The following NEGR1 variants were observed in gnomAD, a reference collection of about 807,000 sequenced individuals.
The protein encoded by NEGR1 is IgLON family member 4.
NEGR1 carries 10 observed loss-of-function variants against 40.9 expected under a neutral mutation model. The observed-to-expected ratio is 0.24, with a 90% CI of 0.15 to 0.42. The LOEUF (loss-of-function observed/expected upper bound fraction) is 0.42, where lower values mean the gene tolerates loss of function less well. Ranked by LOEUF, NEGR1 falls within the 10% of genes least tolerant of loss-of-function variation. The pLI is 1.00. For missense variants in NEGR1, 352 were observed against 438.9 expected, an observed-to-expected ratio of 0.80 and a Z score of 1.77; for synonymous variants, 185 against 166.8, an observed-to-expected ratio of 1.11 and a Z score of -0.84.
chr1:72,039,178 C>T (rs143820636), intron 1 of NEGR1, among the ~76,000 whole-genome samples: 347 of 151,926 alleles, frequency 2.3e-3, no homozygotes, highest in African/African-American at 8.0e-3. Context: ...TATAGTTCAA[C>T]GTGTATTAAG....
chr1:71,460,937 A>G (rs964325790), intron 6 of NEGR1, among the ~76,000 whole-genome samples: 7 of 151,552 alleles, frequency 4.6e-5, no homozygotes, highest in African/African-American at 1.5e-4. Context: ...ATATACTTCA[A>G]AAAAAAAACT....
chr1:71,840,433 T>G (rs960306110), intron 2 of NEGR1, among the ~76,000 whole-genome samples: 9 of 152,154 alleles, frequency 5.9e-5, no homozygotes, highest in Non-Finnish European at 1.3e-4. Context: ...TTGTGGTTCC[T>G]TCAAGGGTCT....
intron 4 of NEGR1, 168 bp downstream of exon 4, chr1:71,697,840 A>G: frequency 1.6e-6 from 1 of 616,072 alleles, no homozygotes; most frequent in Non-Finnish European, 2.8e-6. Flanking sequence ...TTGTTGTTAC[A>G]TTAACCAATT....
intron 3 of NEGR1, among the ~76,000 whole-genome samples, chr1:71,711,275 G>GC (rs1654075098): frequency 6.7e-6 from 1 of 148,958 alleles, no homozygotes; most frequent in Non-Finnish European, 1.5e-5. Flanking sequence ...AACCCGGGGG[G>GC]CGGAGCTTGC....
chr1:71,701,682 A>C (rs1397509708), intron 3 of NEGR1, among the ~76,000 whole-genome samples: 1 of 152,050 alleles, frequency 6.6e-6, no homozygotes, highest in Non-Finnish European at 1.5e-5. Flanking sequence ...GGAAGCCATT[A>C]TTCTGCATGG....
intron 2 of NEGR1, among the ~76,000 whole-genome samples, chr1:71,837,513 T>C (rs1281693954): frequency 1.3e-5 from 2 of 152,106 alleles, no homozygotes; most frequent in East Asian, 3.9e-4. Flanking sequence ...AATACATTCA[T>C]TTTTTGTCTT....
intron 1 of NEGR1, among the ~76,000 whole-genome samples, chr1:72,102,329 A>C (rs1413961504): frequency 6.6e-6 from 1 of 152,190 alleles, no homozygotes; most frequent in East Asian, 1.9e-4. Context: ...ATAATAAGAA[A>C]GCTCCATGGT....
intron 2 of NEGR1, among the ~76,000 whole-genome samples, chr1:71,928,065 C>CATATGTATATAT (rs1557438156): frequency 2.6e-5 from 1 of 38,416 alleles, no homozygotes; most frequent in East Asian, 7.1e-4. Context: ...TATATACACA[C>CATATGTATATAT]ACACATATGT....
chr1:71,926,717 G>T (rs1645777372), intron 2 of NEGR1, among the ~76,000 whole-genome samples: 1 of 151,192 alleles, frequency 6.6e-6, no homozygotes, highest in South Asian at 2.1e-4. Context: ...AAATGTAAAA[G>T]AAAATATTAT....
At chr1:71,711,777 G>T (rs924461684) in intron 3 of NEGR1, among the ~76,000 whole-genome samples, 4 of 152,150 alleles carry the variant, frequency 2.6e-5, no homozygotes, top group African/African-American at 7.2e-5. Context: ...TCATTTGCCA[G>T]TACATGCAAT....
chr1:71,832,760 C>T (rs763363122), intron 2 of NEGR1, among the ~76,000 whole-genome samples: 11 of 151,914 alleles, frequency 7.2e-5, no homozygotes, highest in Admixed American at 2.0e-4. Context: ...AATAGAATGG[C>T]CTCTTCTGAA....
chr1:71,779,055 T>C (rs1656610303), intron 2 of NEGR1, among the ~76,000 whole-genome samples: 1 of 152,128 alleles, frequency 6.6e-6, no homozygotes, highest in African/African-American at 2.4e-5. Flanking sequence ...CTACAGGGAA[T>C]ACACATCTGG....
At chr1:72,086,690 T>C (rs997668730) in intron 1 of NEGR1, among the ~76,000 whole-genome samples, 3 of 152,234 alleles carry the variant, frequency 2.0e-5, no homozygotes, top group Non-Finnish European at 4.4e-5. Flanking sequence ...TTGTTCCGGT[T>C]GATCTGATAT....
intron 2 of NEGR1, among the ~76,000 whole-genome samples, chr1:71,901,272 C>A (rs753165666): frequency 6.6e-6 from 1 of 152,182 alleles, no homozygotes; most frequent in African/African-American, 2.4e-5. Flanking sequence ...CCTGCCATAG[C>A]AACTACTATT....
intron 2 of NEGR1, among the ~76,000 whole-genome samples, chr1:71,817,556 C>T (rs192382258): frequency 1.5e-4 from 23 of 152,092 alleles, no homozygotes; most frequent in Non-Finnish European, 2.8e-4. Flanking sequence ...AGGACTAGAT[C>T]GAGGAAGCAG....
At chr1:71,692,301 CAT>C (rs1246461391) in intron 4 of NEGR1, among the ~76,000 whole-genome samples, 1 of 150,744 alleles carries the variant, frequency 6.6e-6, no homozygotes, top group East Asian at 2.0e-4. Context: ...TAAAAAAAAA[CAT>C]AAAATACAGA....
intron 1 of NEGR1, among the ~76,000 whole-genome samples, chr1:72,201,915 CT>C (rs1653228104): frequency 6.6e-6 from 1 of 151,752 alleles, no homozygotes; most frequent in Non-Finnish European, 1.5e-5. Flanking sequence ...TTGTACTTTT[CT>C]TTGTTATGCT....
chr1:72,234,217 T>C (rs1480301830), intron 1 of NEGR1, among the ~76,000 whole-genome samples: 1 of 152,110 alleles, frequency 6.6e-6, no homozygotes, highest in Non-Finnish European at 1.5e-5. Flanking sequence ...CTCCCACTAG[T>C]AAGCGAGAAC....
chr1:71,421,916 C>CT (rs199992043), intron 6 of NEGR1, among the ~76,000 whole-genome samples: 201 of 143,344 alleles, frequency 1.4e-3, no homozygotes, highest in African/African-American at 2.6e-3. Flanking sequence ...CCTTGTTACA[C>CT]TTTTTTTTTT....
Sources: gnomAD v4.1 joint callset for allele counts (sites outside exome capture counted in the v4.1 genomes callset) on GRCh38, gnomAD v4.1.1 for gene constraint, MANE v1.5 for transcripts, NCBI Gene and HGNC (gene_info 2026-07-23, HGNC 2026-07-21) for gene names.